The following GRM5 variants were observed in gnomAD, a reference collection of about 807,000 sequenced individuals.
The protein encoded by GRM5 is metabotropic glutamate receptor 5.
GRM5 carries 19 observed loss-of-function variants against 83.1 expected under a neutral mutation model. That is an observed-to-expected ratio of 0.23 (90% confidence interval 0.16 to 0.34). The LOEUF (loss-of-function observed/expected upper bound fraction) is 0.34. GRM5 is among the 10% of genes least tolerant of loss of function. The pLI is 1.00. For synonymous variants in GRM5, 675 were observed against 633.6 expected (o/e 1.07, Z -0.98); for missense variants, 1,160 against 1,588.3 (o/e 0.73, Z 4.58).
intron 3 of GRM5, among the ~76,000 whole-genome samples, chr11:88,779,323 C>T (rs779762658): frequency 2.5e-4 from 38 of 152,086 alleles, no homozygotes; most frequent in Non-Finnish European, 3.4e-4. Context: ...CTTCATCTGG[C>T]AGAACCTAGC....
chr11:88,959,818 TC>T (rs1938729861), intron 2 of GRM5, among the ~76,000 whole-genome samples: 1 of 152,186 alleles, frequency 6.6e-6, no homozygotes, highest in Admixed American at 6.5e-5. Context: ...AAAATCACAC[TC>T]CTATCTATGT....
rs1382252678 is a variant in GRM5, at chr11:88,504,817, A to C, written c.*3775T>G. On this transcript the variant is annotated 3_prime_UTR_variant, in exon 10 of 10. Coordinates refer to ENST00000305447, the MANE Select transcript of GRM5 (RefSeq NM_001143831.3). The stretch of plus-strand genomic sequence containing the variant: ...TATTATTTTAATAGTACAAGCTGCC[A>C]CAACAGAGAAAGAACAGATACACGC... 1 of 152,180 alleles carries C rather than the reference A, an allele frequency of 6.6e-6. No homozygotes were observed. Among genetic ancestry groups the C allele is most frequent in the Admixed American group, 6.5e-5 (1 of 15,276 alleles). 9.4% of individuals were successfully genotyped at this position (152,180 alleles called of 1,614,324 possible). A position where few individuals can be genotyped will look rare whatever the true frequency, so the allele number is the denominator to read the frequency against.
intron 3 of GRM5, among the ~76,000 whole-genome samples, chr11:88,685,285 T>C (rs2135350524): frequency 6.6e-6 from 1 of 152,282 alleles, no homozygotes; most frequent in South Asian, 2.1e-4. Flanking sequence ...CCCTAGAGAT[T>C]TGTGGAACTT....
At chr11:88,950,197 C>A (rs1326985080) in intron 2 of GRM5, among the ~76,000 whole-genome samples, 1 of 151,948 alleles carries the variant, frequency 6.6e-6, no homozygotes, top group Non-Finnish European at 1.5e-5. Context: ...ATCTATTAGA[C>A]ACCATTAAGG....
intron 2 of GRM5, among the ~76,000 whole-genome samples, chr11:89,010,149 G>A (rs542688291): frequency 6.6e-6 from 1 of 151,682 alleles, no homozygotes; most frequent in African/African-American, 2.4e-5. Context: ...ATTATTAAAT[G>A]TAAATTTTCA....
In GRM5 at chr11:88,506,205, G is replaced by C. The variant is rs1941178611; in HGVS notation, c.*2387C>G. 1 of 152,068 alleles carries C rather than the reference G, an allele frequency of 6.6e-6. No homozygotes were observed. The highest frequency in any genetic ancestry group is 1.5e-5 in the Non-Finnish European group (1 of 68,016). 9.4% of individuals were successfully genotyped at this position (152,068 alleles called of 1,614,324 possible). On this transcript the variant is annotated 3_prime_UTR_variant, in exon 10 of 10. Coordinates refer to ENST00000305447, the MANE Select transcript of GRM5 (RefSeq NM_001143831.3). ...TAATTTCTGATGAAGTTTTTTATAA[G>C]GTAGTGTGCTTTTTAAGAGATATGT...
chr11:88,732,934 T>G (rs2135408266), intron 3 of GRM5, among the ~76,000 whole-genome samples: 1 of 152,174 alleles, frequency 6.6e-6, no homozygotes, highest in Admixed American at 6.6e-5. Context: ...CAAAGAAGAC[T>G]TTCAAAGCAA....
chr11:88,817,843 T>G (rs960144586), intron 3 of GRM5, among the ~76,000 whole-genome samples: 5 of 152,218 alleles, frequency 3.3e-5, no homozygotes, highest in African/African-American at 1.2e-4. Context: ...GGCTGAGATC[T>G]CATGCTGATA....
At chr11:88,602,609 GTT>G (rs902711412) in intron 5 of GRM5, among the ~76,000 whole-genome samples, 15 of 152,288 alleles carry the variant, frequency 9.8e-5, no homozygotes, top group African/African-American at 3.6e-4. Flanking sequence ...CTACAAATAA[GTT>G]TTCTCAGAAT....
chr11:88,745,476 G>T (rs1565211392), intron 3 of GRM5, among the ~76,000 whole-genome samples: 1 of 152,018 alleles, frequency 6.6e-6, no homozygotes, highest in Non-Finnish European at 1.5e-5. Flanking sequence ...CAAGTGCAGG[G>T]ATTACAGGCA....
At chr11:88,715,397 A>G (rs1941378188) in intron 3 of GRM5, among the ~76,000 whole-genome samples, 1 of 149,926 alleles carries the variant, frequency 6.7e-6, no homozygotes, top group African/African-American at 2.5e-5. Context: ...TTCTTCAACT[A>G]TATTTTAATA....
chr11:88,723,260 A>G (rs938734411), intron 3 of GRM5, among the ~76,000 whole-genome samples: 1 of 151,964 alleles, frequency 6.6e-6, no homozygotes, highest in African/African-American at 2.4e-5. Flanking sequence ...AATGTGCCAC[A>G]GTTTATACCA....
intron 2 of GRM5, among the ~76,000 whole-genome samples, chr11:88,880,755 C>T (rs536643094): frequency 6.6e-6 from 1 of 152,234 alleles, no homozygotes; most frequent in Admixed American, 6.5e-5. Flanking sequence ...GCAAGATTTA[C>T]TGACAAAGGA....
At chr11:88,691,458 A>C (rs1020760166) in intron 3 of GRM5, among the ~76,000 whole-genome samples, 1 of 152,216 alleles carries the variant, frequency 6.6e-6, no homozygotes, top group Non-Finnish European at 1.5e-5. Context: ...CAGCCAAAGC[A>C]ATTAGAAATA....
chr11:88,634,294 C>T (rs1939059460), intron 4 of GRM5, among the ~76,000 whole-genome samples: 1 of 152,050 alleles, frequency 6.6e-6, no homozygotes, highest in African/African-American at 2.4e-5. Flanking sequence ...TATTATTTTT[C>T]TTTCTTCAAA....
Position 88,508,831 on chromosome 11 carries a change from G to A in GRM5, c.3400C>T (p.Gln1134Ter), listed in dbSNP as rs1166096321. The change falls in exon 10 of 10, where the codon CAG becomes TAG. Residue 1134 changes from glutamine to a stop codon, truncating the protein, a stop_gained. Coordinates refer to ENST00000305447, the MANE Select transcript of GRM5 (RefSeq NM_001143831.3). LOFTEE classifies it high-confidence loss of function. This position sits in a 1 kb window ranked among gnomAD's most constrained non-coding sequence, Gnocchi z 4.2. ...TGGAQPAAGA[Q>*]AAGDAARESP... ...TCCCGGGCCGCGTCCCCAGCCGCCT[G>A]CGCCCCTGCCGCGGGCTGCGCGCCT... 6.5e-7 allele frequency: 1 copy of A among 1,540,770 alleles called. No homozygotes were observed. The highest frequency in any genetic ancestry group is 8.7e-7 in the Non-Finnish European group (1 of 1,143,930).
chr11:88,853,609 G>C (rs1461061522), intron 2 of GRM5, among the ~76,000 whole-genome samples: 2 of 151,848 alleles, frequency 1.3e-5, no homozygotes, highest in African/African-American at 4.8e-5. Context: ...TAGAGATATG[G>C]AGGTGAAAAT....
chr11:88,995,834 A>G (rs1386581592), intron 2 of GRM5, among the ~76,000 whole-genome samples: 1 of 152,118 alleles, frequency 6.6e-6, no homozygotes, highest in African/African-American at 2.4e-5. Flanking sequence ...TAAAATATCT[A>G]CAAATGTATA....
At chr11:88,825,335 A>G (rs1433701247) in intron 3 of GRM5, among the ~76,000 whole-genome samples, 1 of 152,104 alleles carries the variant, frequency 6.6e-6, no homozygotes, top group African/African-American at 2.4e-5. Context: ...AGATTGAAAC[A>G]GTTTTGCTAT....
Sources: gnomAD v4.1 joint callset for allele counts (sites outside exome capture counted in the v4.1 genomes callset) on GRCh38, gnomAD v4.1.1 for gene constraint, Gnocchi (gnomAD v3.1) non-coding constraint, MANE v1.5 for transcripts, NCBI Gene and HGNC (gene_info 2026-07-23, HGNC 2026-07-21) for gene names.